The following WWC1 variants were observed in gnomAD, a reference collection of about 807,000 sequenced individuals.
WWC1 encodes WW and C2 domain containing 1.
A neutral mutation model predicts 138.4 loss-of-function variants in WWC1; 55 were observed. The ratio of observed to expected loss-of-function variants is 0.40; its 90% CI spans 0.32 to 0.50. The LOEUF is 0.50. WWC1 is among the 20% of genes least tolerant of loss of function. The probability of loss-of-function intolerance (pLI) is 0.72; values close to 1 mark genes in which losing one functional copy is unlikely to be tolerated. For missense variants in WWC1, 1,226 were observed against 1,420.4 expected, an observed-to-expected ratio of 0.86 and a Z score of 2.20; for synonymous variants, 524 against 564.9, an observed-to-expected ratio of 0.93 and a Z score of 1.03.
At chr5:168,460,788 G>C in intron 20 of WWC1, 46 bp downstream of exon 20, 1 of 1,589,542 alleles carries the variant, frequency 6.3e-7, no homozygotes, top group South Asian at 1.1e-5. Context: ...CTCCTCCCTC[G>C]TTGCCCCAAG....
intron 2 of WWC1, among the ~76,000 whole-genome samples, chr5:168,372,020 GGCGAGAGA>G (rs1776785904): frequency 7.8e-6 from 1 of 127,404 alleles, no homozygotes; most frequent in East Asian, 2.2e-4. Flanking sequence ...ATAGTGAATT[GGCGAGAGA>G]GAGAGAGAGA....
At chr5:168,320,612 G>A (rs888528116) in intron 1 of WWC1, among the ~76,000 whole-genome samples, 10 of 152,180 alleles carry the variant, frequency 6.6e-5, no homozygotes, top group African/African-American at 2.2e-4. Context: ...GACTCTGTGT[G>A]TTTGGTAGGT....
Position 168,423,858 on chromosome 5 carries a change from C to T in WWC1, c.1600C>T (p.Leu534=). Residue 534 remains leucine (L), a synonymous_variant, in exon 11 of 23, where the codon CTA becomes TTA. Coordinates refer to ENST00000265293, the MANE Select transcript of WWC1 (RefSeq NM_015238.3). ...TGGCACCCCAAAGTCCATGACCTCC[C>T]TATCCCCACGTTCCTCTCTCTCCTC... ...LSGTPKSMTS[L]SPRSSLSSPS... The T allele has an allele frequency of 1.2e-6, 2 of 1,614,150 alleles. No individual in the cohort carries two copies. Among genetic ancestry groups the T allele is most frequent in the Non-Finnish European group, 1.7e-6 (2 of 1,180,012 alleles).
chr5:168,342,938 C>T (rs943354912), intron 1 of WWC1, among the ~76,000 whole-genome samples: 1 of 152,132 alleles, frequency 6.6e-6, no homozygotes, highest in Non-Finnish European at 1.5e-5. Context: ...GGGCACTAGG[C>T]AGGGAGCAAG....
chr5:168,465,024 G>A, intron 21 of WWC1, 62 bp downstream of exon 21: 3 of 1,571,412 alleles, frequency 1.9e-6, no homozygotes, highest in Admixed American at 1.8e-5. Flanking sequence ...GGGGGGCACT[G>A]CCCCGGGGAA....
At chr5:168,410,869 T>G (rs569539037) in intron 8 of WWC1, among the ~76,000 whole-genome samples, 1 of 152,134 alleles carries the variant, frequency 6.6e-6, no homozygotes, top group Non-Finnish European at 1.5e-5. Flanking sequence ...TTCATGACTA[T>G]TCCAGGTGGT....
chr5:168,299,035 A>G (rs909689745), intron 1 of WWC1, among the ~76,000 whole-genome samples: 5 of 152,216 alleles, frequency 3.3e-5, no homozygotes, highest in African/African-American at 1.2e-4. Flanking sequence ...CAGTGAGCTG[A>G]GATCGCGCCT....
chr5:168,439,283 A>T (rs1481202878), intron 15 of WWC1, among the ~76,000 whole-genome samples: 1 of 152,108 alleles, frequency 6.6e-6, no homozygotes, highest in East Asian at 1.9e-4. Flanking sequence ...GTATGGATAG[A>T]TTATAGTTCT....
At position 168,320,287 on chromosome 5, in the gene WWC1, G is replaced by A. The variant is rs938986128; in HGVS notation, c.119+28016G>A. Among the ~76,000 whole-genome samples the A allele has an allele frequency of 2.0e-5, 3 of 152,112 alleles. No homozygotes were observed. The East Asian group carries it at 5.8e-4, about 29-fold the overall frequency. Reference sequence around the variant, plus strand: ...TGACCTCAGGTGATCTGCCTGGCTTGGCCTCCAAAAGTGCTGGGATTATAG... The same window carrying A: ...TGACCTCAGGTGATCTGCCTGGCTTAGCCTCCAAAAGTGCTGGGATTATAG... On this transcript the variant is annotated intron_variant, in intron 1 of 22. Coordinates refer to ENST00000265293, the MANE Select transcript of WWC1 (RefSeq NM_015238.3).
intron 5 of WWC1, among the ~76,000 whole-genome samples, chr5:168,403,050 C>CTTTTCTTTCTTTTCTTTCT (rs774681250): frequency 4.6e-5 from 6 of 131,274 alleles, no homozygotes; most frequent in Admixed American, 2.3e-4. Flanking sequence ...TTCTTTCTTT[C>CTTTTCTTTCTTTTCTTTCT]TTTCTTTCTT....
At chr5:168,403,871 T>TACACACACACACACACACAC (rs57788100) in intron 5 of WWC1, among the ~76,000 whole-genome samples, 44 of 134,436 alleles carry the variant, frequency 3.3e-4, no homozygotes, top group African/African-American at 9.9e-4. Context: ...AACACATGCA[T>TACACACACACACACACACAC]ACACACACAC....
chr5:168,323,866 T>C (rs1432973964), intron 1 of WWC1, among the ~76,000 whole-genome samples: 2 of 152,100 alleles, frequency 1.3e-5, no homozygotes, highest in African/African-American at 4.8e-5. Context: ...AGAAAAATCT[T>C]AAAATCATCA....
At chr5:168,460,886 G>C in intron 20 of WWC1, 144 bp downstream of exon 20, 1 of 809,650 alleles carries the variant, frequency 1.2e-6, no homozygotes, top group Non-Finnish European at 2.0e-6. Context: ...AAGCATTTGC[G>C]AACAGATGTT....
chr5:168,441,879 G>T, intron 16 of WWC1, 45 bp downstream of exon 16: 1 of 1,588,470 alleles, frequency 6.3e-7, no homozygotes, highest in Non-Finnish European at 8.6e-7. Context: ...GGCCGCACCC[G>T]GATGTTGGAA....
chr5:168,365,661 C>T (rs946515115), intron 1 of WWC1, among the ~76,000 whole-genome samples: 3 of 152,168 alleles, frequency 2.0e-5, no homozygotes, highest in African/African-American at 7.2e-5. Context: ...TTCCAGCCCC[C>T]GGGGTGGCTC....
chr5:168,424,150 C>T (rs1781337926), intron 11 of WWC1, 82 bp downstream of exon 11: 4 of 1,481,086 alleles, frequency 2.7e-6, no homozygotes, highest in Non-Finnish European at 3.6e-6. Flanking sequence ...AGTGATCATT[C>T]TAGTCGATAT....
rs560236583 is a variant in WWC1 at position 168,303,789 on chromosome 5, C to T, written c.119+11518C>T. On this transcript the variant is annotated intron_variant, in intron 1 of 22. Coordinates refer to ENST00000265293, the MANE Select transcript of WWC1 (RefSeq NM_015238.3). ...CAGGACTCCCCTGCGCTGAGCTGCT[C>T]GGGAGAGGAAGGGTCCCTGGGCTCC... is the stretch of plus-strand genomic sequence containing the variant. 3.1e-4 allele frequency among the ~76,000 whole-genome samples: 47 copies of T among 152,178 alleles called. 1 individual carries two copies. Among genetic ancestry groups the T allele is most frequent in the Middle Eastern group, 3.4e-3 (1 of 294 alleles).
chr5:168,455,815 G>C (rs1365988974), intron 19 of WWC1, among the ~76,000 whole-genome samples: 3 of 152,138 alleles, frequency 2.0e-5, no homozygotes, highest in Non-Finnish European at 4.4e-5. Flanking sequence ...GCTGAGATCA[G>C]AGGGGGACCC....
chr5:168,427,588 G>C (rs1781603003), intron 11 of WWC1, among the ~76,000 whole-genome samples: 1 of 141,850 alleles, frequency 7.0e-6, no homozygotes, highest in African/African-American at 2.7e-5. Flanking sequence ...AGCATTTAGA[G>C]GTGGTTGGAA....
Sources: gnomAD v4.1 joint callset for allele counts (sites outside exome capture counted in the v4.1 genomes callset) on GRCh38, gnomAD v4.1.1 for gene constraint, MANE v1.5 for transcripts, NCBI Gene and HGNC (gene_info 2026-07-23, HGNC 2026-07-21) for gene names.